ATP2A2: variants seen among roughly 807,000 people sequenced by gnomAD.
ATP2A2 encodes ATPase sarcoplasmic/endoplasmic reticulum Ca2+ transporting 2, also known as sarcoplasmic/endoplasmic reticulum calcium ATPase 2.
In ATP2A2, 14 loss-of-function variants were observed where a neutral mutation model predicts 109.3. The ratio of observed to expected loss-of-function variants is 0.13; its 90% CI spans 0.08 to 0.20. The LOEUF is 0.20. Ranked by LOEUF, ATP2A2 falls within the 10% of genes least tolerant of loss-of-function variation. The probability of loss-of-function intolerance (pLI) is 1.00; values close to 1 mark genes in which losing one functional copy is unlikely to be tolerated. For synonymous variants in ATP2A2, 506 were observed against 490.9 expected (o/e 1.03, Z -0.41); for missense variants, 657 against 1,321.6 (o/e 0.50, Z 7.80).
chr12:110,298,748 A>G (rs1476448705), intron 5 of ATP2A2, among the ~76,000 whole-genome samples: 3 of 152,092 alleles, frequency 2.0e-5, no homozygotes, highest in Admixed American at 2.0e-4. Context: ...TTTTGACACA[A>G]ATGTTATACT....
chr12:110,301,019 GCTT>G (rs1467321964), intron 5 of ATP2A2, among the ~76,000 whole-genome samples: 1 of 152,014 alleles, frequency 6.6e-6, no homozygotes, highest in Non-Finnish European at 1.5e-5. Context: ...AGTTTCTCCA[GCTT>G]CTTCTTGTTT....
In ATP2A2 at chr12:110,281,874, G is replaced by A. The variant is rs754751867; in HGVS notation, c.85G>A (p.Val29Ile). 6.3e-7 allele frequency: 1 copy of A among 1,581,318 alleles called. No individual in the cohort carries two copies. The highest frequency in any genetic ancestry group is 8.6e-7 in the Non-Finnish European group (1 of 1,165,692). ...NESTGLSLEQ[V>I]KKLKERWGSN... ...GAGTACGGGGCTGAGCCTGGAACAG[G>A]TCAAGAAGCTTAAGGAGAGATGGGG... Residue 29 changes from valine (V) to isoleucine (I), a missense_variant, in exon 1 of 20, where the codon GTC becomes ATC. Around this residue, in one of 9 missense-constraint regions of ATP2A2, gnomAD observed 64 missense variants for 65.4 expected, o/e 0.98. Coordinates refer to ENST00000539276, the MANE Select transcript of ATP2A2 (RefSeq NM_170665.4).
chr12:110,315,302 C>T (rs1440081772), intron 5 of ATP2A2, among the ~76,000 whole-genome samples: 3 of 152,222 alleles, frequency 2.0e-5, no homozygotes, highest in Non-Finnish European at 4.4e-5. Context: ...TTGCTTAGTG[C>T]ATGGTTGCCT....
chr12:110,314,279 T>TA (rs547168383), intron 5 of ATP2A2, among the ~76,000 whole-genome samples: 247 of 149,958 alleles, frequency 1.6e-3, no homozygotes, highest in African/African-American at 5.7e-3. Flanking sequence ...GCTGAGCTGA[T>TA]ATCGTGCCAT....
intron 3 of ATP2A2, among the ~76,000 whole-genome samples, chr12:110,284,646 T>A (rs1188097523): frequency 6.6e-6 from 1 of 152,202 alleles, no homozygotes; most frequent in Admixed American, 6.5e-5. Flanking sequence ...AATAAATGCT[T>A]TAATTTTTTT....
Position 110,327,533 on chromosome 12 carries a change from G to C in ATP2A2, c.631-20G>C, listed in dbSNP as rs759761421. ...GGATGTGGTATTCATCTTGTGACCA[G>C]TTCTCTACTTCTGTCCTAGGGTACA... is the stretch of plus-strand genomic sequence containing the variant. On this transcript the variant is annotated intron_variant, in intron 7 of 19. Transcript: ENST00000539276. This position sits in a 1 kb window ranked among gnomAD's most constrained non-coding sequence, Gnocchi z 4.4. The C allele has an allele frequency of 6.2e-7, 1 of 1,608,554 alleles. No homozygotes were observed. The highest frequency in any genetic ancestry group is 8.5e-7 in the Non-Finnish European group (1 of 1,174,970).
chr12:110,299,898 A>G (rs1208513640), intron 5 of ATP2A2, among the ~76,000 whole-genome samples: 2 of 152,124 alleles, frequency 1.3e-5, no homozygotes, highest in African/African-American at 4.8e-5. Context: ...CTGGGATTAC[A>G]GGCATGCGCC....
At chr12:110,306,979 G>A (rs1401179407) in intron 5 of ATP2A2, among the ~76,000 whole-genome samples, 4 of 151,312 alleles carry the variant, frequency 2.6e-5, no homozygotes, top group Non-Finnish European at 4.4e-5. Context: ...GGCTGGTCTC[G>A]AATTCCTGGG....
chr12:110,323,824 G>C (rs148868278), intron 6 of ATP2A2, among the ~76,000 whole-genome samples: 104 of 152,314 alleles, frequency 6.8e-4, no homozygotes, highest in African/African-American at 2.4e-3. Context: ...CGTTACCATA[G>C]GTAAATCTTA....
chr12:110,297,115 G>A (rs894130750), intron 5 of ATP2A2, among the ~76,000 whole-genome samples: 1 of 152,164 alleles, frequency 6.6e-6, no homozygotes, highest in African/African-American at 2.4e-5. Flanking sequence ...TGGCACCAAA[G>A]TTCATGGTCA....
rs1435596103 is a variant in ATP2A2, at chr12:110,340,315, G to C, written c.1762-344G>C. Among the ~76,000 whole-genome samples the C allele has an allele frequency of 6.6e-6, 1 of 152,134 alleles. No individual in the cohort carries two copies. Among genetic ancestry groups the C allele is most frequent in the Non-Finnish European group, 1.5e-5 (1 of 68,014 alleles). ...GCACTTTGGGAGGCCGAGGCTGGCA[G>C]ATCACCTGGGGTTGGGGGTTTGAGA... is the stretch of plus-strand genomic sequence containing the variant. On this transcript the variant is annotated intron_variant, in intron 13 of 19. Coordinates refer to ENST00000539276, the MANE Select transcript of ATP2A2 (RefSeq NM_170665.4). This position sits in a 1 kb window ranked among gnomAD's most constrained non-coding sequence, Gnocchi z 6.0.
intron 7 of ATP2A2, among the ~76,000 whole-genome samples, chr12:110,326,935 T>A (rs1489832460): frequency 1.3e-5 from 2 of 152,210 alleles, no homozygotes; most frequent in African/African-American, 4.8e-5. Flanking sequence ...TTTCTATTGA[T>A]GTGAAAAATT....
At position 110,346,479 on chromosome 12, in the gene ATP2A2, T is replaced by C. The variant is rs3211482; in HGVS notation, c.*9T>C. The stretch of plus-strand genomic sequence containing the variant: ...ATATGTTCTGGTCTTGACTGACAGT[T>C]TTCCATAAAGAAGATGTTTAACTTA... On this transcript the variant is annotated 3_prime_UTR_variant, in exon 20 of 20. Coordinates refer to ENST00000539276, the MANE Select transcript of ATP2A2 (RefSeq NM_170665.4). 1 of 1,614,222 alleles carries C rather than the reference T, an allele frequency of 6.2e-7. No individual in the cohort carries two copies. Among genetic ancestry groups the C allele is most frequent in the Non-Finnish European group, 8.5e-7 (1 of 1,180,038 alleles).
chr12:110,350,003 A>G lies in ATP2A2; in HGVS notation c.*3533A>G, dbSNP rs527791056. 1 of 1,343,852 alleles carries G rather than the reference A, an allele frequency of 7.4e-7. No individual in the cohort carries two copies. The highest frequency in any genetic ancestry group is 3.1e-5 in the East Asian group (1 of 32,224). 83.2% of individuals were successfully genotyped at this position (1,343,852 alleles called of 1,614,324 possible). On this transcript the variant is annotated 3_prime_UTR_variant, in exon 20 of 20. Transcript: ENST00000539276. Reference sequence around the variant, plus strand: ...TCCTCTTGCCTGTCTCGCTGCTTTCACAGCTGCAACGATTGTGTCTGCCTC... The same window carrying G: ...TCCTCTTGCCTGTCTCGCTGCTTTCGCAGCTGCAACGATTGTGTCTGCCTC...
Position 110,347,537 on chromosome 12 carries a change from C to T in ATP2A2, c.*1067C>T. On this transcript the variant is annotated 3_prime_UTR_variant, in exon 20 of 20. Coordinates refer to ENST00000539276, the MANE Select transcript of ATP2A2 (RefSeq NM_170665.4). Reference sequence around the variant, plus strand: ...TACATTTTATGCAAGTTTCTGCTGGCCTGGTATAGAGAACATAAGGGCAAG... The same window carrying T: ...TACATTTTATGCAAGTTTCTGCTGGTCTGGTATAGAGAACATAAGGGCAAG... 1 of 1,288,222 alleles carries T rather than the reference C, an allele frequency of 7.8e-7. No homozygotes were observed. The highest frequency in any genetic ancestry group is 5.6e-5 in the East Asian group (1 of 18,006). 79.8% of individuals were successfully genotyped at this position (1,288,222 alleles called of 1,614,324 possible). A position where few individuals can be genotyped will look rare whatever the true frequency, so the allele number is the denominator to read the frequency against.
Position 110,327,511 on chromosome 12 carries a change from T to A in ATP2A2, c.631-42T>A. ...ACCAGCGTCGGTATTTAAGTTGGGA[T>A]GTGGTATTCATCTTGTGACCAGTTC... On this transcript the variant is annotated intron_variant, in intron 7 of 19. Transcript: ENST00000539276. This position sits in a 1 kb window ranked among gnomAD's most constrained non-coding sequence, Gnocchi z 4.4. 6.4e-7 allele frequency: 1 copy of A among 1,567,710 alleles called. No homozygotes were observed. Among genetic ancestry groups the A allele is most frequent in the Non-Finnish European group, 8.8e-7 (1 of 1,137,718 alleles).
Position 110,346,337 on chromosome 12 carries a change from A to C in ATP2A2, c.2996A>C (p.Gln999Pro). Residue 999 changes from glutamine to proline, a missense_variant, in exon 20 of 20, where the codon CAG (glutamine) becomes CCG (proline). This residue lies in a region of ATP2A2 where 53 missense variants were observed against 61.2 expected (regional missense o/e 0.87). Transcript: ENST00000539276. ...CTGGAACCTGGTAAAGAGTGTGTGC[A>C]GCCTGCCACCAAATCCTGCTCGTTC... ...NYLEPGKECV[Q>P]PATKSCSFSA... 1.9e-6 allele frequency: 3 copies of C among 1,614,162 alleles called. No individual in the cohort carries two copies. The highest frequency in any genetic ancestry group is 2.5e-6 in the Non-Finnish European group (3 of 1,180,018).
rs1555279859 is a variant in ATP2A2, at chr12:110,311,613, A to AAC, written c.464-11378_464-11377insCA. ...TCCATCTCAAAAAAAAAAAAAAAAA[A>AAC]AAAAAAAAACGCTGGGATTATAAGT... On this transcript the variant is annotated intron_variant, in intron 5 of 19. Transcript: ENST00000539276. Among the ~76,000 whole-genome samples, 85 of 145,026 alleles carry AAC rather than the reference A, an allele frequency of 5.9e-4. 2 individuals carry two copies. The highest frequency in any genetic ancestry group is 4.7e-3 in the East Asian group (23 of 4,868).
intron 5 of ATP2A2, among the ~76,000 whole-genome samples, chr12:110,301,042 A>T (rs965810691): frequency 7.2e-5 from 11 of 151,908 alleles, no homozygotes; most frequent in Non-Finnish European, 1.5e-4. Flanking sequence ...TAATTTTTTT[A>T]AAAAAATAGA....
Sources: gnomAD v4.1 joint callset for allele counts (sites outside exome capture counted in the v4.1 genomes callset) on GRCh38, gnomAD v4.1.1 for gene constraint, gnomAD v4.1.1 regional missense constraint, Gnocchi (gnomAD v3.1) non-coding constraint, MANE v1.5 for transcripts, NCBI Gene and HGNC (gene_info 2026-07-23, HGNC 2026-07-21) for gene names.